The following KHDRBS2 variants were observed in gnomAD, a reference collection of about 807,000 sequenced individuals.
KHDRBS2 encodes KH domain-containing, RNA-binding, signal transduction-associated protein 2.
Under a neutral mutation model 44.3 loss-of-function variants are expected in KHDRBS2, and 26 were observed. That is an observed-to-expected ratio of 0.59 (90% confidence interval 0.43 to 0.81). The LOEUF is 0.81. Ranked by LOEUF, KHDRBS2 falls within the 40% of genes least tolerant of loss-of-function variation. The pLI is 0.00. For synonymous variants in KHDRBS2, 194 were observed against 151.1 expected (o/e 1.28, Z -2.08); for missense variants, 476 against 433.1 (o/e 1.10, Z -0.88).
At chr6:61,772,657 T>C (rs568201122) in intron 6 of KHDRBS2, among the ~76,000 whole-genome samples, 1 of 152,298 alleles carries the variant, frequency 6.6e-6, no homozygotes, top group East Asian at 1.9e-4. Context: ...TATTTTATTA[T>C]ACTTTAAGTT....
At position 62,286,109 on chromosome 6, in the gene KHDRBS2, C is replaced by T. The variant is rs561756670; in HGVS notation, c.-161G>A. ...GCCCATGCACCCAGCACCTGCGACT[C>T]CCGCCGTCGGGCTGCGTGGCCCCGC... On this transcript the variant is annotated 5_prime_UTR_variant, in exon 1 of 9. Transcript: ENST00000281156. The T allele has an allele frequency of 1.7e-6, 1 of 582,734 alleles. No homozygotes were observed. Among genetic ancestry groups the T allele is most frequent in the East Asian group, 3.1e-5 (1 of 31,900 alleles). The allele number at this position is 582,734 out of a possible 1,614,324, so 36.1% of individuals were successfully genotyped here. A position where few individuals can be genotyped will look rare whatever the true frequency, so the allele number is the denominator to read the frequency against.
At chr6:61,994,310 T>C (rs1468793204) in intron 3 of KHDRBS2, among the ~76,000 whole-genome samples, 1 of 152,168 alleles carries the variant, frequency 6.6e-6, no homozygotes, top group Non-Finnish European at 1.5e-5. Context: ...AACTCACCTC[T>C]AAAAGAATGT....
intron 5 of KHDRBS2, among the ~76,000 whole-genome samples, chr6:61,900,081 T>C (rs1402320599): frequency 1.3e-5 from 2 of 152,134 alleles, no homozygotes; most frequent in African/African-American, 2.4e-5. Context: ...AAAATATAAA[T>C]AAGCTCTAGA....
intron 4 of KHDRBS2, among the ~76,000 whole-genome samples, chr6:61,907,166 AT>A (rs1184961537): frequency 3.3e-5 from 5 of 152,012 alleles, no homozygotes; most frequent in African/African-American, 1.2e-4. Context: ...AATGTTGAGC[AT>A]TTTTTTCACA....
At chr6:62,061,446 T>G (rs1791844754) in intron 2 of KHDRBS2, among the ~76,000 whole-genome samples, 1 of 151,306 alleles carries the variant, frequency 6.6e-6, no homozygotes, top group African/African-American at 2.4e-5. Context: ...TTAGTTTGGC[T>G]GGATATGAAA....
At chr6:62,142,915 C>T (rs1274478800) in intron 2 of KHDRBS2, among the ~76,000 whole-genome samples, 3 of 149,290 alleles carry the variant, frequency 2.0e-5, no homozygotes, top group Admixed American at 2.0e-4. Flanking sequence ...ATTTGTGTTT[C>T]AATGATTTGT....
At chr6:61,677,871 C>A (rs184697440), downstream of KHDRBS2, among the ~76,000 whole-genome samples, 1 of 151,852 alleles carries the variant, frequency 6.6e-6, no homozygotes. Flanking sequence ...TTCCTCACAG[C>A]GAATGAGCTA....
intron 1 of KHDRBS2, among the ~76,000 whole-genome samples, chr6:62,261,147 C>A (rs1280452709): frequency 1.3e-5 from 2 of 151,882 alleles, no homozygotes; most frequent in Admixed American, 6.6e-5. Flanking sequence ...TAGCATTAAG[C>A]AAATATAGTA....
At chr6:62,079,386 A>T (rs929043563) in intron 2 of KHDRBS2, among the ~76,000 whole-genome samples, 1 of 152,036 alleles carries the variant, frequency 6.6e-6, no homozygotes, top group Non-Finnish European at 1.5e-5. Flanking sequence ...CTATGTATGT[A>T]GCATTATTGG....
intron 3 of KHDRBS2, among the ~76,000 whole-genome samples, chr6:61,992,912 A>C (rs1427255636): frequency 1.3e-5 from 2 of 152,012 alleles, no homozygotes; most frequent in Non-Finnish European, 2.9e-5. Flanking sequence ...TGGAAAGTAC[A>C]CTCCTAGCAC....
chr6:62,061,683 T>C (rs1791947329), intron 2 of KHDRBS2, among the ~76,000 whole-genome samples: 1 of 151,346 alleles, frequency 6.6e-6, no homozygotes, highest in Non-Finnish European at 1.5e-5. Context: ...AGTATCTTTG[T>C]GGCCTTCTCT....
At chr6:61,602,127 A>G in the KHDRBS2 span, among the ~76,000 whole-genome samples, 1 of 152,156 alleles carries the variant, frequency 6.6e-6, no homozygotes, top group Non-Finnish European at 1.5e-5. Flanking sequence ...TGCTCCCAAT[A>G]TTAAACAAAG....
chr6:62,152,584 C>A (rs1486486438), intron 2 of KHDRBS2, among the ~76,000 whole-genome samples: 1 of 152,168 alleles, frequency 6.6e-6, no homozygotes, highest in African/African-American at 2.4e-5. Flanking sequence ...CTCATCTAAT[C>A]TATCAGATTA....
chr6:61,557,573 A>T, the KHDRBS2 span, among the ~76,000 whole-genome samples: 1 of 152,074 alleles, frequency 6.6e-6, no homozygotes, highest in East Asian at 1.9e-4. Flanking sequence ...GTTCATCAAG[A>T]TTATTGGCCT....
intron 6 of KHDRBS2, among the ~76,000 whole-genome samples, chr6:61,864,438 G>T (rs537525856): frequency 2.0e-5 from 3 of 152,024 alleles, no homozygotes; most frequent in African/African-American, 4.8e-5. Flanking sequence ...TTTCTTCAGG[G>T]TCTCTTGTAA....
the KHDRBS2 span, among the ~76,000 whole-genome samples, chr6:61,572,100 A>T: frequency 6.6e-6 from 1 of 152,144 alleles, no homozygotes; most frequent in African/African-American, 2.4e-5. Flanking sequence ...AAGAGAGAAG[A>T]TCCAAATAAG....
intron 2 of KHDRBS2, among the ~76,000 whole-genome samples, chr6:62,094,488 C>T (rs1489636012): frequency 6.6e-6 from 1 of 151,776 alleles, no homozygotes; most frequent in Non-Finnish European, 1.5e-5. Context: ...TGTAGGTTAT[C>T]TCTTTGCTCT....
intron 6 of KHDRBS2, among the ~76,000 whole-genome samples, chr6:61,838,916 A>G (rs1241869047): frequency 1.3e-5 from 2 of 152,108 alleles, no homozygotes; most frequent in Non-Finnish European, 2.9e-5. Flanking sequence ...AAGTTACTCA[A>G]TATGAGCTAA....
At chr6:61,732,788 C>G (rs1255614622) in intron 6 of KHDRBS2, 24 bp from the exon 7 acceptor site, 1 of 1,207,640 alleles carries the variant, frequency 8.3e-7, no homozygotes, top group African/African-American at 1.5e-5. Context: ...ATGGTAGAAA[C>G]ACCTGTTAGT....
Sources: gnomAD v4.1 joint callset for allele counts (sites outside exome capture counted in the v4.1 genomes callset) on GRCh38, gnomAD v4.1.1 for gene constraint, MANE v1.5 for transcripts, NCBI Gene and HGNC (gene_info 2026-07-23, HGNC 2026-07-21) for gene names.